VCPIP1: variants seen among roughly 807,000 people sequenced by gnomAD.
VCPIP1 encodes the protein deubiquitinating protein VCPIP1.
A neutral mutation model predicts 85.0 loss-of-function variants in VCPIP1; 8 were observed. The observed-to-expected ratio is 0.09, with a 90% CI of 0.06 to 0.17. VCPIP1 has a LOEUF of 0.17. VCPIP1 is among the 10% of genes least tolerant of loss of function. The probability of loss-of-function intolerance (pLI) is 1.00; values close to 1 mark genes in which losing one functional copy is unlikely to be tolerated. For synonymous variants in VCPIP1, 543 were observed against 544.5 expected (o/e 1.00, Z 0.04); for missense variants, 1,070 against 1,486.3 (o/e 0.72, Z 4.61).
chr8:66,657,016 G>A (rs1163233521), intron 1 of VCPIP1, among the ~76,000 whole-genome samples: 6 of 151,318 alleles, frequency 4.0e-5, no homozygotes, highest in Non-Finnish European at 7.4e-5. Context: ...AGCAATTCTC[G>A]TGCCTCAGCC....
Position 66,666,867 on chromosome 8 carries a change from G to C in VCPIP1, c.92C>G (p.Ala31Gly). ...PQTPSSLASA[A>G]ASGGLLKRRD... Reference sequence around the variant, plus strand: ...CCGCTTCAAAAGCCCCCCCGAAGCAGCCGCCGACGCCAAGGACGACGGAGT... The same window carrying C: ...CCGCTTCAAAAGCCCCCCCGAAGCACCCGCCGACGCCAAGGACGACGGAGT... Residue 31 changes from alanine to glycine, a missense_variant, in exon 1 of 3, where the codon GCT (alanine) becomes GGT (glycine). Physicochemically the swap from Ala to Gly is moderately conservative, Grantham distance 60. Coordinates refer to ENST00000310421, the MANE Select transcript of VCPIP1 (RefSeq NM_025054.5). The surrounding 1 kb of genome is among the most constrained non-coding windows in gnomAD (Gnocchi z 6.3). The C allele has an allele frequency of 6.2e-7, 1 of 1,612,942 alleles. No homozygotes were observed. The highest frequency in any genetic ancestry group is 1.1e-5 in the South Asian group (1 of 91,076).
Position 66,667,166 on chromosome 8 carries a change from A to T in VCPIP1, c.-208T>A. On this transcript the variant is annotated 5_prime_UTR_variant, in exon 1 of 3. Transcript: ENST00000310421. ...TCCACTGCCGTAGCCGTTGCCCCGAACGTAACGGCCACCACCCCACCCCGC... is the reference window on the plus strand; with the variant it reads ...TCCACTGCCGTAGCCGTTGCCCCGATCGTAACGGCCACCACCCCACCCCGC... 8.8e-7 allele frequency: 1 copy of T among 1,137,070 alleles called. No homozygotes were observed. 70.4% of individuals were successfully genotyped at this position (1,137,070 alleles called of 1,614,324 possible).
In VCPIP1 at chr8:66,634,934, C is replaced by T. The variant is rs1474637189; in HGVS notation, c.3236G>A (p.Ser1079Asn). The change falls in exon 3 of 3, where the codon AGT (serine) becomes AAT (asparagine). Residue 1079 changes from serine (S) to asparagine (N), a missense_variant. Ser to Asn is a conservative substitution (Grantham distance 46). Transcript: ENST00000310421. Reference protein sequence around the residue: ...PSVFTASSSNSELIRIAPGVV... With the variant: ...PSVFTASSSNNELIRIAPGVV... The stretch of plus-strand genomic sequence containing the variant: ...TCCAGGAGCTATTCGAATAAGCTCA[C>T]TATTACTAGAAGAAGCTGTGAATAC... 1.2e-6 allele frequency: 2 copies of T among 1,613,516 alleles called. No homozygotes were observed. Among genetic ancestry groups the T allele is most frequent in the Non-Finnish European group, 1.7e-6 (2 of 1,179,624 alleles).
At chr8:66,651,185 C>CAAAAAAAAAAAAAAAAAA (rs896750189) in intron 2 of VCPIP1, among the ~76,000 whole-genome samples, 1 of 51,154 alleles carries the variant, frequency 2.0e-5, no homozygotes. Context: ...AATTCCATCT[C>CAAAAAAAAAAAAAAAAAA]AAAAAAAAAA....
At position 66,634,649 on chromosome 8, in the gene VCPIP1, G is replaced by A. The variant is rs774042214; in HGVS notation, c.3521C>T (p.Thr1174Ile). ...TGCATCTGCTACACAGCCATCAGTT[G>A]TTTCTGTATTCAAATTTTCAGTACC... ...TGGTENLNTE[T>I]TDGCVADALG... Residue 1174 changes from threonine to isoleucine, a missense_variant, in exon 3 of 3, where the codon ACA (threonine) becomes ATA (isoleucine). Coordinates refer to ENST00000310421, the MANE Select transcript of VCPIP1 (RefSeq NM_025054.5). The A allele has an allele frequency of 1.3e-5, 21 of 1,614,136 alleles. No homozygotes were observed. The highest frequency in any genetic ancestry group is 1.8e-5 in the Non-Finnish European group (21 of 1,180,028).
chr8:66,637,092 G>A (rs1330467836), intron 2 of VCPIP1, among the ~76,000 whole-genome samples: 3 of 152,064 alleles, frequency 2.0e-5, no homozygotes, highest in Non-Finnish European at 4.4e-5. Flanking sequence ...ACATTGGGAG[G>A]CTGAGGCGGG....
At chr8:66,655,731 G>A (rs970357620) in intron 1 of VCPIP1, among the ~76,000 whole-genome samples, 4 of 151,598 alleles carry the variant, frequency 2.6e-5, no homozygotes, top group South Asian at 2.1e-4. Flanking sequence ...CATTTTATTC[G>A]AAAGCAAACT....
intron 1 of VCPIP1, among the ~76,000 whole-genome samples, chr8:66,659,007 C>T (rs1314191422): frequency 6.6e-6 from 1 of 152,020 alleles, no homozygotes; most frequent in South Asian, 2.1e-4. Flanking sequence ...TAAGTAACTC[C>T]AAACTGACAA....
At chr8:66,645,661 C>T (rs548349422) in intron 2 of VCPIP1, among the ~76,000 whole-genome samples, 2 of 150,770 alleles carry the variant, frequency 1.3e-5, no homozygotes, top group Admixed American at 1.3e-4. Context: ...GTGGCTCACG[C>T]CTGTATCTCA....
At chr8:66,639,698 T>G (rs941604258) in intron 2 of VCPIP1, among the ~76,000 whole-genome samples, 2 of 152,202 alleles carry the variant, frequency 1.3e-5, no homozygotes, top group African/African-American at 4.8e-5. Flanking sequence ...TTAGTTATAA[T>G]GGGCAATACT....
At chr8:66,646,724 G>A (rs1447036007) in intron 2 of VCPIP1, among the ~76,000 whole-genome samples, 1 of 151,750 alleles carries the variant, frequency 6.6e-6, no homozygotes, top group Admixed American at 6.6e-5. Context: ...CTTGAACCCA[G>A]GAGATGGAGG....
At position 66,631,016 on chromosome 8, in the gene VCPIP1, A is replaced by G. The variant is rs1340973942; in HGVS notation, c.*3485T>C. 1 of 152,186 alleles carries G rather than the reference A, an allele frequency of 6.6e-6. No homozygotes were observed. The highest frequency in any genetic ancestry group is 1.5e-5 in the Non-Finnish European group (1 of 67,982). The allele number at this position is 152,186 out of a possible 1,614,324, so 9.4% of individuals were successfully genotyped here. On this transcript the variant is annotated 3_prime_UTR_variant, in exon 3 of 3. Coordinates refer to ENST00000310421, the MANE Select transcript of VCPIP1 (RefSeq NM_025054.5). ...ATGATAACCTTGAATGGTAGGATGC[A>G]TTTACTCAACTTAGAATATGGCGCT...
chr8:66,639,897 T>C lies in VCPIP1; in HGVS notation c.2798-4525A>G, dbSNP rs78969093. ...ATGATAATAATAAATGGGAGCTACA[T>C]GATGAGAACATATGGACACAAAGAG... On this transcript the variant is annotated intron_variant, in intron 2 of 2. Coordinates refer to ENST00000310421, the MANE Select transcript of VCPIP1 (RefSeq NM_025054.5). 4.4e-3 allele frequency among the ~76,000 whole-genome samples: 675 copies of C among 152,146 alleles called. 5 individuals are homozygous for C. The highest frequency in any genetic ancestry group is 0.015 in the African/African-American group (612 of 41,504).
rs922526459 is a variant in VCPIP1 at position 66,667,118 on chromosome 8, G to A, written c.-160C>T. 3 of 1,392,036 alleles carry A rather than the reference G, an allele frequency of 2.2e-6. No individual in the cohort carries two copies. The highest frequency in any genetic ancestry group is 1.9e-6 in the Non-Finnish European group (2 of 1,072,956). 86.2% of individuals were successfully genotyped at this position (1,392,036 alleles called of 1,614,324 possible). A position where few individuals can be genotyped will look rare whatever the true frequency, so the allele number is the denominator to read the frequency against. On this transcript the variant is annotated 5_prime_UTR_variant, in exon 1 of 3. Transcript: ENST00000310421. The stretch of plus-strand genomic sequence containing the variant: ...CTCCTAAGCGAAGGCGGAAGCGCCG[G>A]ACGTTGTTTCTCTTCTTACTTCTCC...
chr8:66,659,802 C>T (rs571246787), intron 1 of VCPIP1, among the ~76,000 whole-genome samples: 34 of 151,948 alleles, frequency 2.2e-4, no homozygotes, highest in Middle Eastern at 6.8e-3. Flanking sequence ...CGTGGTGGTG[C>T]GCACCTGTAG....
At chr8:66,638,985 T>TATATATATATATATATATAC (rs1302544149) in intron 2 of VCPIP1, among the ~76,000 whole-genome samples, 1 of 149,030 alleles carries the variant, frequency 6.7e-6, no homozygotes, top group East Asian at 2.0e-4. Context: ...TATATATATA[T>TATATATATATATATATATAC]ACATATATTT....
chr8:66,650,123 AG>A (rs1811037703), intron 2 of VCPIP1, among the ~76,000 whole-genome samples: 2 of 152,246 alleles, frequency 1.3e-5, no homozygotes, highest in East Asian at 3.9e-4. Context: ...GAAAATGAGA[AG>A]GAAAAAAAGG....
intron 2 of VCPIP1, among the ~76,000 whole-genome samples, chr8:66,638,735 C>A (rs1810914587): frequency 6.6e-6 from 1 of 151,288 alleles, no homozygotes; most frequent in East Asian, 2.0e-4. Context: ...GCCGAGATCA[C>A]GCCACTGCAC....
intron 1 of VCPIP1, among the ~76,000 whole-genome samples, chr8:66,658,283 G>A (rs544968958): frequency 4.8e-4 from 72 of 149,590 alleles, no homozygotes; most frequent in Non-Finnish European, 8.7e-4. Flanking sequence ...GCAGTGAGCC[G>A]AGATTGCACC....
Sources: allele counts gnomAD v4.1 joint callset (sites outside exome capture counted in the v4.1 genomes callset), GRCh38; gene constraint gnomAD v4.1.1; non-coding constraint Gnocchi (gnomAD v3.1); transcripts MANE v1.5; gene names NCBI Gene and HGNC (gene_info 2026-07-23, HGNC 2026-07-21).